The following CACNA1D variants were observed in gnomAD, a reference collection of about 807,000 sequenced individuals.
CACNA1D encodes voltage-dependent L-type calcium channel subunit alpha-1D.
A neutral mutation model predicts 257.1 loss-of-function variants in CACNA1D; 55 were observed. That is an observed-to-expected ratio of 0.21 (90% confidence interval 0.17 to 0.27). The LOEUF is 0.27. CACNA1D is among the 10% of genes least tolerant of loss of function. The pLI, the probability that CACNA1D is intolerant of heterozygous loss-of-function variation, is 1.00. For missense variants in CACNA1D, 1,876 were observed against 2,784.0 expected (o/e 0.67, Z 7.34); for synonymous variants, 980 against 1,014.9 (o/e 0.97, Z 0.65).
intron 3 of CACNA1D, among the ~76,000 whole-genome samples, chr3:53,645,223 T>A (rs1481565482): frequency 6.6e-6 from 1 of 152,218 alleles, no homozygotes; most frequent in African/African-American, 2.4e-5. Context: ...TATTAACCCT[T>A]TATCAGATGA....
At chr3:53,569,354 G>A (rs535604674) in intron 3 of CACNA1D, among the ~76,000 whole-genome samples, 1 of 152,308 alleles carries the variant, frequency 6.6e-6, no homozygotes, top group East Asian at 1.9e-4. Flanking sequence ...ACTGCTCACT[G>A]GCTTAGGCGT....
At chr3:53,559,003 T>C (rs2092692934) in intron 3 of CACNA1D, among the ~76,000 whole-genome samples, 1 of 152,132 alleles carries the variant, frequency 6.6e-6, no homozygotes, top group Non-Finnish European at 1.5e-5. Flanking sequence ...TTCCAGTATT[T>C]TAGTATTTTC....
chr3:53,770,464 G>A lies in CACNA1D; in HGVS notation c.3956G>A (p.Arg1319His), dbSNP rs2095360356. The part of the protein sequence containing the change: ...ESNRISITFF[R>H]LFRVMRLVKL... Reference sequence around the variant, plus strand: ...AATAGAATCTCCATCACCTTTTTCCGTCTTTTCCGAGTGATGCGATTGGTG... The same window carrying A: ...AATAGAATCTCCATCACCTTTTTCCATCTTTTCCGAGTGATGCGATTGGTG... The change falls in exon 32 of 48, where the codon CGT becomes CAT. Residue 1319 changes from arginine to histidine, a missense_variant. By Grantham distance (29) the Arg-to-His change is conservative. This residue lies in a region of CACNA1D where 204 missense variants were observed against 309.4 expected (regional missense o/e 0.66). Coordinates refer to ENST00000350061, the MANE Select transcript of CACNA1D (RefSeq NM_001128840.3). The A allele has an allele frequency of 1.2e-6, 2 of 1,613,634 alleles. No homozygotes were observed. The highest frequency in any genetic ancestry group is 1.1e-5 in the South Asian group (1 of 91,060).
chr3:53,670,863 G>A (rs2094315967), intron 7 of CACNA1D, among the ~76,000 whole-genome samples: 1 of 152,172 alleles, frequency 6.6e-6, no homozygotes, highest in African/African-American at 2.4e-5. Context: ...GGAACAGCTT[G>A]CATGTTCTGA....
intron 37 of CACNA1D, among the ~76,000 whole-genome samples, chr3:53,777,685 A>G (rs2095405675): frequency 6.6e-6 from 1 of 152,114 alleles, no homozygotes; most frequent in South Asian, 2.1e-4. Flanking sequence ...TGGCCACCAC[A>G]GGAAATGGGG....
intron 3 of CACNA1D, among the ~76,000 whole-genome samples, chr3:53,607,180 AAT>A (rs1559908968): frequency 6.6e-6 from 1 of 152,250 alleles, no homozygotes; most frequent in Non-Finnish European, 1.5e-5. Context: ...CCTTGGGAAA[AAT>A]AGCAAAGACT....
chr3:53,784,453 A>C (rs974804448), intron 39 of CACNA1D, among the ~76,000 whole-genome samples: 1 of 149,990 alleles, frequency 6.7e-6, no homozygotes, highest in African/African-American at 2.5e-5. Flanking sequence ...GTTCTTAGGA[A>C]CTCTTCCTTG....
intron 19 of CACNA1D, 28 bp downstream of exon 19, chr3:53,732,990 G>C: frequency 3.1e-6 from 5 of 1,613,034 alleles, no homozygotes; most frequent in Non-Finnish European, 4.2e-6. Context: ...AGTCTCTCAC[G>C]GCTGCCTCTT....
At chr3:53,547,275 T>C (rs1013639871) in intron 3 of CACNA1D, among the ~76,000 whole-genome samples, 3 of 152,154 alleles carry the variant, frequency 2.0e-5, no homozygotes, top group African/African-American at 7.2e-5. Context: ...CATTTGTTCA[T>C]TGGCTATTAT....
chr3:53,747,563 G>C, intron 26 of CACNA1D, 115 bp downstream of exon 26: 2 of 1,115,282 alleles, frequency 1.8e-6, no homozygotes, highest in Non-Finnish European at 2.7e-6. Context: ...TTGCCCTGTG[G>C]CTTTTTAACC....
At chr3:53,718,467 G>T (rs1177330523) in intron 10 of CACNA1D, 79 bp downstream of exon 10, 1 of 1,346,190 alleles carries the variant, frequency 7.4e-7, no homozygotes, top group Non-Finnish European at 1.1e-6. Context: ...CGCCCAGGCT[G>T]CAGCAGAGCC....
At chr3:53,549,142 C>T (rs1305467785) in intron 3 of CACNA1D, among the ~76,000 whole-genome samples, 1 of 152,168 alleles carries the variant, frequency 6.6e-6, no homozygotes, top group Non-Finnish European at 1.5e-5. Context: ...AATGCAGATG[C>T]CATCTTCTCA....
At chr3:53,550,968 A>G (rs1263739042) in intron 3 of CACNA1D, among the ~76,000 whole-genome samples, 1 of 152,208 alleles carries the variant, frequency 6.6e-6, no homozygotes, top group Non-Finnish European at 1.5e-5. Flanking sequence ...AAAATGTTTG[A>G]AAAGGTATCA....
At chr3:53,683,468 A>G (rs1328835316) in intron 8 of CACNA1D, among the ~76,000 whole-genome samples, 2 of 152,214 alleles carry the variant, frequency 1.3e-5, no homozygotes, top group African/African-American at 4.8e-5. Flanking sequence ...AAAGACAAAA[A>G]TCAACACTCG....
chr3:53,766,599 C>A (rs1340848646), intron 30 of CACNA1D, among the ~76,000 whole-genome samples: 1 of 152,190 alleles, frequency 6.6e-6, no homozygotes, highest in Non-Finnish European at 1.5e-5. Flanking sequence ...TCCACGGTTG[C>A]AGGGGGCTGC....
At position 53,657,852 on chromosome 3, in the gene CACNA1D, T is replaced by C. The variant is rs1189662087; in HGVS notation, c.624-2281T>C. On this transcript the variant is annotated intron_variant, in intron 4 of 47. Coordinates refer to ENST00000350061, the MANE Select transcript of CACNA1D (RefSeq NM_001128840.3). ...GTCAAGACATTAAGAAAGTAATTGA[T>C]ATTTCTAAAATGTTAACTGTTAATG... Among the ~76,000 whole-genome samples the C allele has an allele frequency of 2.6e-5, 4 of 152,228 alleles. No homozygotes were observed. In the East Asian group the frequency reaches 5.8e-4, roughly 22 times the overall value.
chr3:53,810,444 A>G, intron 47 of CACNA1D, 146 bp downstream of exon 47: 1 of 791,308 alleles, frequency 1.3e-6, no homozygotes, highest in East Asian at 2.6e-5. Flanking sequence ...GCAGGAATGT[A>G]CCTGAAGCAT....
intron 3 of CACNA1D, among the ~76,000 whole-genome samples, chr3:53,548,737 C>T (rs1176541565): frequency 6.6e-6 from 1 of 152,182 alleles, no homozygotes; most frequent in Non-Finnish European, 1.5e-5. Context: ...AATATAAGAA[C>T]AGCATCTGCC....
intron 15 of CACNA1D, among the ~76,000 whole-genome samples, chr3:53,728,430 C>T (rs868345455): frequency 1.9e-4 from 29 of 152,264 alleles, no homozygotes; most frequent in African/African-American, 6.5e-4. Context: ...TGAGCCACTG[C>T]GCCCGGCCTG....
Sources: allele counts gnomAD v4.1 joint callset (sites outside exome capture counted in the v4.1 genomes callset), GRCh38; gene constraint gnomAD v4.1.1; regional missense constraint gnomAD v4.1.1; transcripts MANE v1.5; gene names NCBI Gene and HGNC (gene_info 2026-07-23, HGNC 2026-07-21).